The following UNC5B variants were observed in gnomAD, a reference collection of about 807,000 sequenced individuals.
UNC5B encodes netrin receptor UNC5B.
A neutral mutation model predicts 103.7 loss-of-function variants in UNC5B; 56 were observed. That is an observed-to-expected ratio of 0.54 (90% confidence interval 0.44 to 0.67). The LOEUF is 0.67. UNC5B is among the 30% of genes least tolerant of loss of function. The pLI, the probability that UNC5B is intolerant of heterozygous loss-of-function variation, is 0.00. For missense variants in UNC5B, 1,194 were observed against 1,284.5 expected (o/e 0.93, Z 1.08); for synonymous variants, 577 against 542.0 (o/e 1.06, Z -0.90).
At chr10:71,216,854 G>T (rs1403433140) in intron 1 of UNC5B, among the ~76,000 whole-genome samples, 1 of 152,176 alleles carries the variant, frequency 6.6e-6, no homozygotes, top group Non-Finnish European at 1.5e-5. Context: ...AGTGCTCTCG[G>T]ACCAGGTTAG....
At chr10:71,272,203 G>A (rs1173812883) in intron 1 of UNC5B, among the ~76,000 whole-genome samples, 2 of 152,152 alleles carry the variant, frequency 1.3e-5, no homozygotes, top group Non-Finnish European at 1.5e-5. Context: ...AGAATTAGCC[G>A]GTGTCCAGGG....
At chr10:71,297,356 A>G (rs567722111) in intron 15 of UNC5B, among the ~76,000 whole-genome samples, 1 of 152,382 alleles carries the variant, frequency 6.6e-6, no homozygotes, top group African/African-American at 2.4e-5. Flanking sequence ...TGCACACAGT[A>G]CACCAGTGGC....
intron 1 of UNC5B, among the ~76,000 whole-genome samples, chr10:71,242,196 C>T (rs879278): frequency 0.41 from 62,710 of 152,026 alleles, 13,271 homozygotes; most frequent in East Asian, 0.5. Context: ...TGCGTGGCGT[C>T]CGTCGGCCGT....
At chr10:71,225,835 C>CCATCGTGCCACACAGACTTGAGGA (rs1843550632) in intron 1 of UNC5B, among the ~76,000 whole-genome samples, 1 of 117,204 alleles carries the variant, frequency 8.5e-6, no homozygotes, top group Non-Finnish European at 2.2e-5. Context: ...GGACTGCTTG[C>CCATCGTGCCACACAGACTTGAGGA]CACCGTGCCA....
Position 71,287,691 on chromosome 10 carries a change from C to G in UNC5B, c.827C>G (p.Pro276Arg). The part of the protein sequence containing the change: ...WQKRTRTCTN[P>R]APLNGGAFCE... ...AAGCGCACCCGGACCTGCACCAACCCCGCTCCACTCAACGGAGGGGCCTTC... is the reference window on the plus strand; with the variant it reads ...AAGCGCACCCGGACCTGCACCAACCGCGCTCCACTCAACGGAGGGGCCTTC... Residue 276 changes from proline to arginine, a missense_variant, in exon 6 of 17, where the codon CCC (proline) becomes CGC (arginine). Pro to Arg is a moderately radical substitution (Grantham distance 103). Transcript: ENST00000335350. 6.2e-7 allele frequency: 1 copy of G among 1,613,314 alleles called. No individual in the cohort carries two copies. Among genetic ancestry groups the G allele is most frequent in the Middle Eastern group, 1.7e-4 (1 of 6,056 alleles).
At chr10:71,282,839 G>A (rs570173099) in intron 2 of UNC5B, among the ~76,000 whole-genome samples, 11 of 152,272 alleles carry the variant, frequency 7.2e-5, no homozygotes, top group East Asian at 3.9e-4. Context: ...TTGTGGGGCC[G>A]GGCGCAGTGG....
chr10:71,233,324 G>A (rs191602245), intron 1 of UNC5B, among the ~76,000 whole-genome samples: 3 of 152,226 alleles, frequency 2.0e-5, no homozygotes, highest in Non-Finnish European at 2.9e-5. Context: ...GCCCCATCAC[G>A]GGGTCCACAG....
chr10:71,254,434 C>T (rs1844244677), intron 1 of UNC5B, among the ~76,000 whole-genome samples: 1 of 152,314 alleles, frequency 6.6e-6, no homozygotes, highest in South Asian at 2.1e-4. Context: ...CAGGAAATGG[C>T]CAGAGGAAGC....
chr10:71,296,809 G>A, intron 15 of UNC5B, 67 bp downstream of exon 15: 1 of 1,458,974 alleles, frequency 6.9e-7, no homozygotes, highest in Non-Finnish European at 9.3e-7. Flanking sequence ...GAAGGGTGGG[G>A]CAGATATTCC....
At chr10:71,256,595 G>C (rs1844295186) in intron 1 of UNC5B, among the ~76,000 whole-genome samples, 1 of 152,206 alleles carries the variant, frequency 6.6e-6, no homozygotes, top group Non-Finnish European at 1.5e-5. Context: ...AGCCCAGGTG[G>C]GGACTCGGGC....
chr10:71,252,006 A>T (rs1337527130), intron 1 of UNC5B, among the ~76,000 whole-genome samples: 2 of 152,150 alleles, frequency 1.3e-5, no homozygotes, highest in Non-Finnish European at 2.9e-5. Flanking sequence ...CACCTCCTCC[A>T]ACAAAAAAGT....
intron 1 of UNC5B, chr10:71,218,075 T>G (rs1589145823): frequency 2.6e-5 from 3 of 116,508 alleles, no homozygotes; most frequent in South Asian, 3.1e-4. Context: ...AAGGAGTGTG[T>G]GGGGGGTGAG....
intron 2 of UNC5B, among the ~76,000 whole-genome samples, chr10:71,280,315 T>A (rs1267365467): frequency 1.3e-5 from 2 of 152,050 alleles, no homozygotes; most frequent in Admixed American, 1.3e-4. Flanking sequence ...TCTTGAGCCC[T>A]CCCAAACACC....
chr10:71,284,848 T>C lies in UNC5B; in HGVS notation c.433T>C (p.Tyr145His), dbSNP rs780798837. Residue 145 changes from tyrosine to histidine, a missense_variant, in exon 3 of 17, where the codon TAC (tyrosine) becomes CAC (histidine). Tyr to His is a moderately conservative substitution (Grantham distance 83). Coordinates refer to ENST00000335350, the MANE Select transcript of UNC5B (RefSeq NM_170744.5). ...SAGTTKSRRA[Y>H]VRIAYLRKNF... ...GGGCACCACCAAGAGTCGCCGAGCC[T>C]ACGTCCGCATCGCCTGTACGCCACC... 1.9e-6 allele frequency: 3 copies of C among 1,608,914 alleles called. No homozygotes were observed. Among genetic ancestry groups the C allele is most frequent in the Non-Finnish European group, 2.5e-6 (3 of 1,177,560 alleles).
chr10:71,302,110 G>GCCTGCCTCCA lies in UNC5B; in HGVS notation c.*2833_*2834insCCTGCCTCCA, dbSNP rs1463546303. 6.6e-6 allele frequency: 1 copy of GCCTGCCTCCA among 152,278 alleles called. No individual in the cohort carries two copies. Among genetic ancestry groups the GCCTGCCTCCA allele is most frequent in the Non-Finnish European group, 1.5e-5 (1 of 68,082 alleles). The allele number at this position is 152,278 out of a possible 1,614,324, so 9.4% of individuals were successfully genotyped here. On this transcript the variant is annotated 3_prime_UTR_variant, in exon 17 of 17. Transcript: ENST00000335350. ...GGCTTTGCCGACTCCATCCGTCTGTGGAGGCTGCCTGCCTCCGGGGTGGGA... is the reference window on the plus strand; with the variant it reads ...GGCTTTGCCGACTCCATCCGTCTGTGCCTGCCTCCAGAGGCTGCCTGCCTCCGGGGTGGGA...
intron 2 of UNC5B, among the ~76,000 whole-genome samples, chr10:71,280,461 A>G (rs765478423): frequency 3.9e-5 from 6 of 152,218 alleles, no homozygotes; most frequent in African/African-American, 7.2e-5. Context: ...ACTGGTTTCC[A>G]TTCACAATAA....
At chr10:71,221,904 A>C (rs1843459376) in intron 1 of UNC5B, among the ~76,000 whole-genome samples, 1 of 152,226 alleles carries the variant, frequency 6.6e-6, no homozygotes, top group Admixed American at 6.5e-5. Flanking sequence ...TAGTAACAGC[A>C]CCAATCTCAT....
At position 71,293,874 on chromosome 10, in the gene UNC5B, A is replaced by G; in HGVS notation, c.2116A>G (p.Thr706Ala). 6.2e-7 allele frequency: 1 copy of G among 1,606,432 alleles called. No homozygotes were observed. Among genetic ancestry groups the G allele is most frequent in the Non-Finnish European group, 8.5e-7 (1 of 1,179,504 alleles). Residue 706 changes from threonine (T) to alanine (A), a missense_variant, in exon 13 of 17, where the codon ACC becomes GCC. Physicochemically the swap from Thr to Ala is moderately conservative, Grantham distance 58. Transcript: ENST00000335350. ...GGCCGTCTTCGCCCCCGCCCTCTGC[A>G]CCTCCCTGGAGTACAGCCTCCGGGT... is the stretch of plus-strand genomic sequence containing the variant. ...QLAVFAPALC[T>A]SLEYSLRVYC...
chr10:71,213,212 C>A lies in UNC5B; in HGVS notation c.79+148C>A. 3.4e-6 allele frequency: 2 copies of A among 585,406 alleles called. No homozygotes were observed. Among genetic ancestry groups the A allele is most frequent in the Non-Finnish European group, 5.1e-6 (2 of 395,984 alleles). 36.3% of individuals were successfully genotyped at this position (585,406 alleles called of 1,614,324 possible). A position where few individuals can be genotyped will look rare whatever the true frequency, so the allele number is the denominator to read the frequency against. ...TTAGAATGTAGATTTTACTGCCTCC[C>A]AAAGTGGGCAATGGCGCATCCACAT... is the stretch of plus-strand genomic sequence containing the variant. On this transcript the variant is annotated intron_variant, in intron 1 of 16. Transcript: ENST00000335350. This position sits in a 1 kb window ranked among gnomAD's most constrained non-coding sequence, Gnocchi z 4.1.
Sources: gnomAD v4.1 joint callset for allele counts (sites outside exome capture counted in the v4.1 genomes callset) on GRCh38, gnomAD v4.1.1 for gene constraint, Gnocchi (gnomAD v3.1) non-coding constraint, MANE v1.5 for transcripts, NCBI Gene and HGNC (gene_info 2026-07-23, HGNC 2026-07-21) for gene names.